PSME4: variants seen among roughly 807,000 people sequenced by gnomAD.
PSME4 encodes proteasome activator subunit 4, also known as proteasome activator complex subunit 4.
Under a neutral mutation model 253.9 loss-of-function variants are expected in PSME4, and 89 were observed. That is an observed-to-expected ratio of 0.35 (90% CI 0.30 to 0.42). The LOEUF is 0.42. Among genes scored for constraint, PSME4 ranks in the 10% least tolerant of loss-of-function variants. The probability of loss-of-function intolerance (pLI) is 1.00; values close to 1 mark genes in which losing one functional copy is unlikely to be tolerated. For synonymous variants in PSME4, 851 were observed against 759.2 expected, an observed-to-expected ratio of 1.12 and a Z score of -1.99; for missense variants, 2,014 against 2,195.2, an observed-to-expected ratio of 0.92 and a Z score of 1.65.
intron 26 of PSME4, among the ~76,000 whole-genome samples, 155 bp downstream of exon 26, chr2:53,906,443 G>A (rs1680663058): frequency 6.6e-6 from 1 of 152,118 alleles, no homozygotes; most frequent in African/African-American, 2.4e-5. Context: ...ATTACTTCCT[G>A]GAGGTAATTA....
At chr2:53,957,378 G>C (rs1670283915) in intron 1 of PSME4, among the ~76,000 whole-genome samples, 1 of 152,154 alleles carries the variant, frequency 6.6e-6, no homozygotes, top group African/African-American at 2.4e-5. Flanking sequence ...GGAGTCCTGA[G>C]CTTATTTTCC....
intron 21 of PSME4, 44 bp from the exon 22 acceptor site, chr2:53,908,884 TCC>T: frequency 7.1e-7 from 1 of 1,410,394 alleles, no homozygotes; most frequent in Non-Finnish European, 9.9e-7. Context: ...CACTGAATGC[TCC>T]TCAGACTTTT....
chr2:53,926,665 G>A (rs966184097), intron 12 of PSME4, among the ~76,000 whole-genome samples: 1 of 149,698 alleles, frequency 6.7e-6, no homozygotes, highest in Non-Finnish European at 1.5e-5. Flanking sequence ...TGGGCAACAT[G>A]CTTGCAATAA....
chr2:53,875,707 C>A lies in PSME4; in HGVS notation c.4864G>T (p.Ala1622Ser), dbSNP rs777476659. The A allele has an allele frequency of 6.2e-7, 1 of 1,612,842 alleles. No individual in the cohort carries two copies. Among genetic ancestry groups the A allele is most frequent in the Admixed American group, 1.7e-5 (1 of 59,956 alleles). ...GACATTAATGATAAACATAACTTTG[C>A]ATCTCTTTTCAGTTCATCGTAGCTA... ...DNSYDELKRD[A>S]KLCLSLMSQG... Residue 1622 changes from alanine (A) to serine (S), a missense_variant, in exon 42 of 47, where the codon GCA becomes TCA. By Grantham distance (99) the Ala-to-Ser change is moderately conservative. This residue lies in a region of PSME4 where 403 missense variants were observed against 556.1 expected (regional missense o/e 0.72). Coordinates refer to ENST00000404125, the MANE Select transcript of PSME4 (RefSeq NM_014614.3).
intron 22 of PSME4, 51 bp downstream of exon 22, chr2:53,908,733 C>T: frequency 6.7e-7 from 1 of 1,497,692 alleles, no homozygotes; most frequent in Non-Finnish European, 9.1e-7. Flanking sequence ...ATTAAAATTC[C>T]AAAATACTTA....
chr2:53,963,158 TC>T (rs1670565011), intron 1 of PSME4, among the ~76,000 whole-genome samples: 1 of 152,046 alleles, frequency 6.6e-6, no homozygotes, highest in Non-Finnish European at 1.5e-5. Flanking sequence ...AGACTTTGTC[TC>T]AAGAAAAACT....
intron 1 of PSME4, among the ~76,000 whole-genome samples, chr2:53,964,600 C>T (rs1056848053): frequency 6.6e-6 from 1 of 152,226 alleles, no homozygotes; most frequent in Non-Finnish European, 1.5e-5. Flanking sequence ...AATAAAACCA[C>T]TTGCATTTAT....
chr2:53,875,102 A>G (rs946377074), intron 42 of PSME4, among the ~76,000 whole-genome samples: 1 of 152,196 alleles, frequency 6.6e-6, no homozygotes, highest in African/African-American at 2.4e-5. Context: ...ACTAAATTCT[A>G]CTACAAAGAA....
intron 20 of PSME4, among the ~76,000 whole-genome samples, chr2:53,913,053 T>C (rs116711966): frequency 0.012 from 1,883 of 152,300 alleles, 46 homozygotes; most frequent in African/African-American, 0.044. Context: ...AAATCCATCC[T>C]ACTCATTCAC....
intron 17 of PSME4, among the ~76,000 whole-genome samples, chr2:53,921,886 G>C (rs937731362): frequency 8.3e-6 from 1 of 120,732 alleles, no homozygotes; most frequent in African/African-American, 3.0e-5. Context: ...GAAAACTGAA[G>C]TTTGGGCCAG....
At chr2:53,920,388 T>C (rs745755413) in intron 18 of PSME4, 38 bp from the exon 19 acceptor site, 4 of 1,527,428 alleles carry the variant, frequency 2.6e-6, no homozygotes, top group Admixed American at 4.2e-5. Context: ...AGTTGAGAAA[T>C]TAAAAACAAC....
At chr2:53,922,686 C>A in intron 16 of PSME4, 102 bp from the exon 17 acceptor site, 6 of 1,352,306 alleles carry the variant, frequency 4.4e-6, no homozygotes, top group Non-Finnish European at 5.0e-6. Flanking sequence ...CTGAGGAAAA[C>A]CTCTTTTAGG....
At chr2:53,949,356 C>A in intron 1 of PSME4, 73 bp from the exon 2 acceptor site, 3 of 994,992 alleles carry the variant, frequency 3.0e-6, no homozygotes, top group South Asian at 2.5e-5. Flanking sequence ...CAGCATTATC[C>A]ATAGAAGCCA....
At chr2:53,891,974 G>C (rs963007366) in intron 36 of PSME4, among the ~76,000 whole-genome samples, 2 of 151,986 alleles carry the variant, frequency 1.3e-5, no homozygotes, top group South Asian at 2.1e-4. Context: ...CAGCAGGAAG[G>C]GTTTGAGACA....
intron 41 of PSME4, among the ~76,000 whole-genome samples, chr2:53,882,983 A>G (rs1477380160): frequency 6.6e-6 from 1 of 152,066 alleles, no homozygotes; most frequent in African/African-American, 2.4e-5. Flanking sequence ...TTGTCAGTCT[A>G]TCTTATACTT....
At chr2:53,949,363 G>C in intron 1 of PSME4, 80 bp from the exon 2 acceptor site, 1 of 925,200 alleles carries the variant, frequency 1.1e-6, no homozygotes, top group Non-Finnish European at 1.5e-6. Flanking sequence ...ATCCATAGAA[G>C]CCAAGATGTA....
chr2:53,937,651 C>A, intron 4 of PSME4, 111 bp from the exon 5 acceptor site: 1 of 959,298 alleles, frequency 1.0e-6, no homozygotes, highest in Admixed American at 2.4e-5. Flanking sequence ...TATGTCATAG[C>A]ATGTAACACA....
chr2:53,922,360 T>C (rs540623825), intron 17 of PSME4, among the ~76,000 whole-genome samples, 157 bp downstream of exon 17: 1 of 152,294 alleles, frequency 6.6e-6, no homozygotes, highest in Admixed American at 6.5e-5. Context: ...CCTTTGACAA[T>C]AAGAGTATGA....
intron 3 of PSME4, among the ~76,000 whole-genome samples, chr2:53,946,373 A>G (rs1438370274): frequency 6.6e-6 from 1 of 152,190 alleles, no homozygotes; most frequent in Admixed American, 6.5e-5. Flanking sequence ...TGATCTGAAC[A>G]CAGTTCAAAG....
Sources: gnomAD v4.1 joint callset for allele counts (sites outside exome capture counted in the v4.1 genomes callset) on GRCh38, gnomAD v4.1.1 for gene constraint, gnomAD v4.1.1 regional missense constraint, MANE v1.5 for transcripts, NCBI Gene and HGNC (gene_info 2026-07-23, HGNC 2026-07-21) for gene names.